HERC1: variants seen among roughly 807,000 people sequenced by gnomAD.
HERC1 encodes probable E3 ubiquitin-protein ligase HERC1.
In HERC1, 160 loss-of-function variants were observed where a neutral mutation model predicts 554.3. The observed-to-expected ratio is 0.29, with a 90% CI of 0.25 to 0.33. HERC1 has a LOEUF of 0.33. Ranked by LOEUF, HERC1 falls within the 10% of genes least tolerant of loss-of-function variation. The probability of loss-of-function intolerance (pLI) is 1.00; values close to 1 mark genes in which losing one functional copy is unlikely to be tolerated. For synonymous variants in HERC1, 2,175 were observed against 2,131.7 expected (o/e 1.02, Z -0.56); for missense variants, 4,919 against 5,918.5 (o/e 0.83, Z 5.54).
At chr15:63,808,053 A>G (rs1456055914) in intron 1 of HERC1, among the ~76,000 whole-genome samples, 1 of 151,908 alleles carries the variant, frequency 6.6e-6, no homozygotes, top group Non-Finnish European at 1.5e-5. Context: ...AAGTAACATC[A>G]GCTATTTTAA....
rs2068837232 is a variant in HERC1, at chr15:63,637,570, T to C, written c.12167A>G (p.Tyr4056Cys). ...TGAATTTCCTTGTCCTAATCTGCCA[T>C]AACTTCCTTCCCCACAAGCCAACAC... ...GTVLACGEGS[Y>C]GRLGQGNSDD... is the part of the protein sequence containing the mutation. The change falls in exon 64 of 78, where the codon TAT (tyrosine) becomes TGT (cysteine). Residue 4056 changes from tyrosine to cysteine, a missense_variant. Tyr to Cys is a radical substitution (Grantham distance 194). Transcript: ENST00000443617. 1 of 1,559,412 alleles carries C rather than the reference T, an allele frequency of 6.4e-7. No individual in the cohort carries two copies. The highest frequency in any genetic ancestry group is 8.7e-7 in the Non-Finnish European group (1 of 1,150,298).
At chr15:63,750,358 T>C (rs1290509874) in intron 8 of HERC1, among the ~76,000 whole-genome samples, 1 of 151,966 alleles carries the variant, frequency 6.6e-6, no homozygotes, top group East Asian at 1.9e-4. Context: ...ACCAAAAGAA[T>C]CACTAACTGA....
At position 63,672,585 on chromosome 15, in the gene HERC1, C is replaced by T. The variant is rs1478613605; in HGVS notation, c.7956G>A (p.Glu2652=). The T allele has an allele frequency of 6.2e-7, 1 of 1,611,906 alleles. No homozygotes were observed. Among genetic ancestry groups the T allele is most frequent in the Non-Finnish European group, 8.5e-7 (1 of 1,179,038 alleles). Residue 2652 remains glutamate (E), a synonymous_variant, in exon 39 of 78, where the codon GAG becomes GAA. Coordinates refer to ENST00000443617, the MANE Select transcript of HERC1 (RefSeq NM_003922.4). ...STTSFMSSSL[E]DTTTATTPVT... Reference sequence around the variant, plus strand: ...CTGGAGTGGTGGCAGTTGTGGTGTCCTCCAGAGAGCTGCTCATAAAGGAGG... The same window carrying T: ...CTGGAGTGGTGGCAGTTGTGGTGTCTTCCAGAGAGCTGCTCATAAAGGAGG...
At chr15:63,724,573 C>T (rs2073960425) in intron 18 of HERC1, among the ~76,000 whole-genome samples, 1 of 152,150 alleles carries the variant, frequency 6.6e-6, no homozygotes, top group Admixed American at 6.5e-5. Flanking sequence ...CCTTCAGGGA[C>T]ATGTTGAGTC....
intron 18 of HERC1, 130 bp downstream of exon 18, chr15:63,725,162 C>T: frequency 1.3e-6 from 1 of 766,410 alleles, no homozygotes. Flanking sequence ...AGTCATAGCC[C>T]CAGATTCCCT....
In HERC1 at chr15:63,629,207, C is replaced by T. The variant is rs537534270; in HGVS notation, c.12967-392G>A. Among the ~76,000 whole-genome samples the T allele has an allele frequency of 8.5e-5, 13 of 152,288 alleles. No individual in the cohort carries two copies. In the South Asian group the frequency reaches 1.4e-3, roughly 17 times the overall value. ...TCAGGCAATCCACCCACCTTGGCCTCCCAAAGTGCTGGGATTACAGGTGTG... is the reference window on the plus strand; with the variant it reads ...TCAGGCAATCCACCCACCTTGGCCTTCCAAAGTGCTGGGATTACAGGTGTG... On this transcript the variant is annotated intron_variant, in intron 69 of 77. Transcript: ENST00000443617.
chr15:63,723,070 T>G lies in HERC1; in HGVS notation c.3742+112A>C, dbSNP rs1596070485. 1.3e-5 allele frequency: 8 copies of G among 603,860 alleles called. No individual in the cohort carries two copies. In the East Asian group the frequency reaches 2.7e-4, roughly 20 times the overall value. The allele number at this position is 603,860 out of a possible 1,614,324, so 37.4% of individuals were successfully genotyped here. On this transcript the variant is annotated intron_variant, in intron 19 of 77. Coordinates refer to ENST00000443617, the MANE Select transcript of HERC1 (RefSeq NM_003922.4). ...TAAAAATGTTAATAAAATATCTTTT[T>G]CTATTAAAAAAAAGGGTGATCCCTA...
At position 63,641,603 on chromosome 15, in the gene HERC1, G is replaced by T; in HGVS notation, c.11474C>A (p.Ala3825Asp). The T allele has an allele frequency of 6.3e-7, 1 of 1,584,842 alleles. No individual in the cohort carries two copies. Among genetic ancestry groups the T allele is most frequent in the Non-Finnish European group, 8.6e-7 (1 of 1,163,826 alleles). ...CCTACAGGTTGCCAAAACATGATTGGCAGCTGCCCATTCTGCTGTACAATT... is the reference window on the plus strand; with the variant it reads ...CCTACAGGTTGCCAAAACATGATTGTCAGCTGCCCATTCTGCTGTACAATT... ...VVNCTAEWAA[A>D]NHVLATCRTA... is the part of the protein sequence containing the mutation. The change falls in exon 60 of 78, where the codon GCC becomes GAC. Residue 3825 changes from alanine (A) to aspartate (D), a missense_variant. Ala to Asp is a moderately radical substitution (Grantham distance 126). Around this residue, in one of 11 missense-constraint regions of HERC1, gnomAD observed 1,963 missense variants for 2,228.6 expected, o/e 0.88. Transcript: ENST00000443617.
intron 48 of HERC1, among the ~76,000 whole-genome samples, chr15:63,656,815 T>C (rs1260101641): frequency 6.6e-6 from 1 of 152,234 alleles, no homozygotes; most frequent in Admixed American, 6.5e-5. Context: ...AATTAATATA[T>C]GTACTCTTTT....
intron 39 of HERC1, among the ~76,000 whole-genome samples, chr15:63,672,221 A>T (rs1351474478): frequency 6.6e-6 from 1 of 152,238 alleles, no homozygotes; most frequent in African/African-American, 2.4e-5. Flanking sequence ...AAAAATTATC[A>T]TCATAAGAGA....
Position 63,725,337 on chromosome 15 carries a change from T to C in HERC1, c.3523A>G (p.Thr1175Ala), listed in dbSNP as rs1234627443. 1 of 1,613,450 alleles carries C rather than the reference T, an allele frequency of 6.2e-7. No homozygotes were observed. The highest frequency in any genetic ancestry group is 2.2e-5 in the East Asian group (1 of 44,870). ...EEQDTAYWMK[T>A]PLFSDGVEMD... ...TCTACACCGTCACTGAACAGTGGCG[T>C]TTTCATCCAATATGCAGTGTCCTGT... The change falls in exon 18 of 78, where the codon ACG becomes GCG. Residue 1175 changes from threonine (T) to alanine (A), a missense_variant. Thr to Ala is a moderately conservative substitution (Grantham distance 58). Transcript: ENST00000443617.
Position 63,661,809 on chromosome 15 carries a change from G to A in HERC1, c.9114C>T (p.Thr3038=). The A allele has an allele frequency of 6.2e-7, 1 of 1,613,960 alleles. No individual in the cohort carries two copies. Among genetic ancestry groups the A allele is most frequent in the Middle Eastern group, 1.6e-4 (1 of 6,062 alleles). ...SGNPYYLLCG[T]CREKYLAMKT... ...TCATGGCTAAGTACTTCTCCCTGCAGGTGCCACATAACAGGTAGTACGGAT... is the reference window on the plus strand; with the variant it reads ...TCATGGCTAAGTACTTCTCCCTGCAAGTGCCACATAACAGGTAGTACGGAT... Residue 3038 remains threonine (T), a synonymous_variant, in exon 45 of 78, where the codon ACC becomes ACT. Transcript: ENST00000443617.
intron 34 of HERC1, among the ~76,000 whole-genome samples, chr15:63,681,059 T>G (rs887729663): frequency 1.3e-5 from 2 of 152,196 alleles, no homozygotes; most frequent in Non-Finnish European, 2.9e-5. Context: ...TGAGGAAGTA[T>G]GTTTAGTCCA....
At chr15:63,772,443 G>A (rs1199761956) in intron 2 of HERC1, among the ~76,000 whole-genome samples, 1 of 151,370 alleles carries the variant, frequency 6.6e-6, no homozygotes, top group African/African-American at 2.4e-5. Context: ...CGTAAAATGA[G>A]GAATTAAGTG....
rs886405090 is a variant in HERC1 at position 63,758,930 on chromosome 15, T to C, written c.1027-561A>G. Among the ~76,000 whole-genome samples, 1 of 152,038 alleles carries C rather than the reference T, an allele frequency of 6.6e-6. No homozygotes were observed. Among genetic ancestry groups the C allele is most frequent in the African/African-American group, 2.4e-5 (1 of 41,382 alleles). ...TTTTTAAATAGATGGGGTCTCATTA[T>C]CTTACACAGACTAGACTCAAACTCC... On this transcript the variant is annotated intron_variant, in intron 3 of 77. Transcript: ENST00000443617. This position sits in a 1 kb window ranked among gnomAD's most constrained non-coding sequence, Gnocchi z 4.0.
chr15:63,729,375 A>G lies in HERC1; in HGVS notation c.3022-7T>C. 6.3e-7 allele frequency: 1 copy of G among 1,593,332 alleles called. No individual in the cohort carries two copies. Among genetic ancestry groups the G allele is most frequent in the Non-Finnish European group, 8.5e-7 (1 of 1,172,974 alleles). On this transcript the variant is annotated splice_polypyrimidine_tract_variant and splice_region_variant and intron_variant, in intron 15 of 77. Coordinates refer to ENST00000443617, the MANE Select transcript of HERC1 (RefSeq NM_003922.4). ...ATGCCACACTGCTTGAGTTCTAAGA[A>G]GAAAAAAAGTTCCTAAATTACTACT... is the stretch of plus-strand genomic sequence containing the variant.
chr15:63,643,198 C>T (rs532828207), intron 58 of HERC1, 140 bp from the exon 59 acceptor site: 2 of 809,600 alleles, frequency 2.5e-6, no homozygotes, highest in Non-Finnish European at 3.9e-6. Flanking sequence ...CACATACCTA[C>T]TACAAAATTT....
rs535546032 is a variant in HERC1, at chr15:63,632,505, G to C, written c.12796+204C>G. 20 of 645,028 alleles carry C rather than the reference G, an allele frequency of 3.1e-5. No homozygotes were observed. In the Admixed American group the frequency reaches 4.6e-4, roughly 15 times the overall value. The allele number at this position is 645,028 out of a possible 1,614,324, so 40.0% of individuals were successfully genotyped here. ...GCAAGAGTGCTGGCTCTGGCATAAG[G>C]GGTCTTAATGGGGAGGGGAGTTTGT... On this transcript the variant is annotated intron_variant, in intron 68 of 77. Coordinates refer to ENST00000443617, the MANE Select transcript of HERC1 (RefSeq NM_003922.4).
intron 6 of HERC1, 43 bp downstream of exon 6, chr15:63,755,186 C>T (rs1035157800): frequency 7.5e-7 from 1 of 1,340,886 alleles, no homozygotes. Flanking sequence ...TTAATCATTT[C>T]TAATTTTCTA....
Sources: gnomAD v4.1 joint callset for allele counts (sites outside exome capture counted in the v4.1 genomes callset) on GRCh38, gnomAD v4.1.1 for gene constraint, gnomAD v4.1.1 regional missense constraint, Gnocchi (gnomAD v3.1) non-coding constraint, MANE v1.5 for transcripts, NCBI Gene and HGNC (gene_info 2026-07-23, HGNC 2026-07-21) for gene names.